The following TBC1D7 variants were observed in gnomAD, a reference collection of about 807,000 sequenced individuals.
TBC1D7 encodes TBC1 domain family member 7.
Under a neutral mutation model 35.3 loss-of-function variants are expected in TBC1D7, and 33 were observed. The ratio of observed to expected loss-of-function variants is 0.93; its 90% CI spans 0.71 to 1.25. The LOEUF (loss-of-function observed/expected upper bound fraction) is 1.25, where lower values mean the gene tolerates loss of function less well. Ranked by LOEUF, TBC1D7 falls within the 50% of genes most tolerant of loss-of-function variation. TBC1D7 has a pLI of 0.00. For missense variants in TBC1D7, 362 were observed against 365.3 expected, an observed-to-expected ratio of 0.99 and a Z score of 0.07; for synonymous variants, 135 against 129.5, an observed-to-expected ratio of 1.04 and a Z score of -0.29.
chr6:13,323,008 G>A (rs1784150406), intron 3 of TBC1D7, among the ~76,000 whole-genome samples: 1 of 152,142 alleles, frequency 6.6e-6, no homozygotes, highest in South Asian at 2.1e-4. Flanking sequence ...CTACACAGGC[G>A]ACAGCTCTAA....
At chr6:13,323,210 G>A (rs539060759) in intron 3 of TBC1D7, among the ~76,000 whole-genome samples, 4 of 152,184 alleles carry the variant, frequency 2.6e-5, no homozygotes, top group South Asian at 4.2e-4. Context: ...AAAATTAGCC[G>A]GGCGTGGGGG....
intron 4 of TBC1D7, 55 bp from the exon 5 acceptor site, chr6:13,316,763 ATTTC>A (rs937345098): frequency 1.9e-6 from 3 of 1,574,478 alleles, no homozygotes; most frequent in East Asian, 2.2e-5. Flanking sequence ...AGGAATACAT[ATTTC>A]TTTAATAAAA....
rs370827019 is a variant in TBC1D7 at position 13,321,076 on chromosome 6, G to A, written c.213C>T (p.His71=). The change falls in exon 4 of 8, where the codon CAC becomes CAT. Residue 71 remains histidine (H), a synonymous_variant. Transcript: ENST00000379300. ...ACATCATCACCTTGGCATGGGACTCGTGGTGTGGAGGCAAGATTCCTAGAG... is the reference window on the plus strand; with the variant it reads ...ACATCATCACCTTGGCATGGGACTCATGGTGTGGAGGCAAGATTCCTAGAG... ...KVLLGILPPH[H]ESHAKVMMYR... is the part of the protein sequence containing the mutation. The A allele has an allele frequency of 2.5e-5, 41 of 1,612,934 alleles. 1 individual carries two copies. The highest frequency in any genetic ancestry group is 1.8e-4 in the South Asian group (16 of 90,984).
At chr6:13,306,327 T>C (rs1190401956) in intron 7 of TBC1D7, 71 bp downstream of exon 7, 4 of 1,419,220 alleles carry the variant, frequency 2.8e-6, no homozygotes, top group East Asian at 5.1e-5. Flanking sequence ...AATAATCTAA[T>C]GTAACAGGAA....
intron 5 of TBC1D7, among the ~76,000 whole-genome samples, chr6:13,311,790 A>C (rs191980037): frequency 6.6e-6 from 1 of 152,194 alleles, no homozygotes; most frequent in East Asian, 1.9e-4. Flanking sequence ...TAGCCAAGAC[A>C]TTTTTGAAAA....
chr6:13,324,828 C>T (rs1013950989), intron 3 of TBC1D7, among the ~76,000 whole-genome samples: 3 of 152,200 alleles, frequency 2.0e-5, no homozygotes, highest in Admixed American at 2.0e-4. Flanking sequence ...CCAGGTTACC[C>T]AGCTGATAGC....
Position 13,325,134 on chromosome 6 carries a change from G to C in TBC1D7, c.153C>G (p.Leu51=). Residue 51 remains leucine (L), a synonymous_variant, in exon 3 of 8, where the codon CTC becomes CTG. Transcript: ENST00000379300. The stretch of plus-strand genomic sequence containing the variant: ...ATACCAATGCACGGTACATGGACGG[G>C]AGAGGGAACCTCTGACTAAAAGTAC... ...KLCTFSQRFP[L]PSMYRALVWK... 1 of 1,613,822 alleles carries C rather than the reference G, an allele frequency of 6.2e-7. No homozygotes were observed. Among genetic ancestry groups the C allele is most frequent in the Non-Finnish European group, 8.5e-7 (1 of 1,179,802 alleles).
At chr6:13,309,780 T>C (rs2458311) in intron 5 of TBC1D7, among the ~76,000 whole-genome samples, 46,376 of 152,050 alleles carry the variant, frequency 0.31, 7,369 homozygotes, top group South Asian at 0.46. Flanking sequence ...GCTGTTTGCA[T>C]TCAAATTGTG....
rs538892030 is a variant in TBC1D7, at chr6:13,311,396, G to A, written c.520-3651C>T. ...GGAATCAGGATAGTATGGCAGAATAGACATATCACCACTCAGGGGCATCAT... is the reference window on the plus strand; with the variant it reads ...GGAATCAGGATAGTATGGCAGAATAAACATATCACCACTCAGGGGCATCAT... On this transcript the variant is annotated intron_variant, in intron 5 of 7. Transcript: ENST00000379300. 6.0e-4 allele frequency among the ~76,000 whole-genome samples: 92 copies of A among 152,322 alleles called. 1 individual carries two copies. The highest frequency in any genetic ancestry group is 1.9e-3 in the African/African-American group (79 of 41,574).
intron 7 of TBC1D7, chr6:13,306,162 A>G (rs1782793058): frequency 6.3e-6 from 2 of 315,606 alleles, no homozygotes; most frequent in Non-Finnish European, 1.2e-5. Context: ...GTAACAGGAA[A>G]ATCTCACTTG....
At chr6:13,310,078 A>G (rs1439733845) in intron 5 of TBC1D7, among the ~76,000 whole-genome samples, 4 of 152,234 alleles carry the variant, frequency 2.6e-5, no homozygotes, top group African/African-American at 9.6e-5. Flanking sequence ...TGAGGATGGA[A>G]AAGACTATGA....
chr6:13,314,888 A>G (rs2127531718), intron 5 of TBC1D7, among the ~76,000 whole-genome samples: 1 of 152,280 alleles, frequency 6.6e-6, no homozygotes, highest in Non-Finnish European at 1.5e-5. Flanking sequence ...AAATAAGGGG[A>G]AAAAACTAGA....
At chr6:13,307,495 T>C (rs1782890481) in intron 6 of TBC1D7, 105 bp downstream of exon 6, 15 of 1,135,492 alleles carry the variant, frequency 1.3e-5, no homozygotes, top group East Asian at 2.4e-5. Flanking sequence ...TTCAAATTAC[T>C]GTATTGTTCT....
intron 4 of TBC1D7, among the ~76,000 whole-genome samples, chr6:13,317,180 T>A (rs950120332): frequency 6.6e-6 from 1 of 152,232 alleles, no homozygotes; most frequent in African/African-American, 2.4e-5. Context: ...CATTCACGCA[T>A]ACCTTCAGAA....
intron 5 of TBC1D7, 73 bp from the exon 6 acceptor site, chr6:13,307,818 GA>G (rs1045240721): frequency 9.3e-5 from 135 of 1,450,378 alleles, no homozygotes; most frequent in South Asian, 5.5e-4. Flanking sequence ...AGTCTCTGAT[GA>G]AAAAAAAGTA....
intron 5 of TBC1D7, among the ~76,000 whole-genome samples, chr6:13,315,532 G>A (rs919940760): frequency 2.6e-5 from 4 of 152,022 alleles, no homozygotes; most frequent in Non-Finnish European, 4.4e-5. Context: ...TGACCAACAC[G>A]ATGCAACCCC....
chr6:13,320,851 C>T lies in TBC1D7; in HGVS notation c.381+57G>A, dbSNP rs761776804. ...GGCAAAACATGATGTAATCAAAGGC[C>T]GGCAAGATGGGACGGTCTAGAGTTG... On this transcript the variant is annotated intron_variant, in intron 4 of 7. Transcript: ENST00000379300. The T allele has an allele frequency of 1.0e-5, 16 of 1,559,330 alleles. No individual in the cohort carries two copies. The highest frequency in any genetic ancestry group is 3.3e-5 in the South Asian group (3 of 90,024).
chr6:13,319,469 G>GAAAAAAAAAAAAAAAAAAAAAAA (rs1236035284), intron 4 of TBC1D7: 1 of 98,118 alleles, frequency 1.0e-5, no homozygotes. Flanking sequence ...TCAAAAAAAA[G>GAAAAAAAAAAAAAAAAAAAAAAA]AAAAAAAAAA....
At position 13,314,192 on chromosome 6, in the gene TBC1D7, G is replaced by A. The variant is rs1311410779; in HGVS notation, c.519+2379C>T. On this transcript the variant is annotated intron_variant, in intron 5 of 7. Coordinates refer to ENST00000379300, the MANE Select transcript of TBC1D7 (RefSeq NM_016495.6). The stretch of plus-strand genomic sequence containing the variant: ...TGCACTCCCGCCTTGGCGACCAAGC[G>A]AGACTCCATCTCAAAAAAAAAAAAA... Among the ~76,000 whole-genome samples the A allele has an allele frequency of 4.8e-5, 7 of 146,838 alleles. No homozygotes were observed. The South Asian group carries it at 1.1e-3, about 23-fold the overall frequency.
Sources: allele counts gnomAD v4.1 joint callset (sites outside exome capture counted in the v4.1 genomes callset), GRCh38; gene constraint gnomAD v4.1.1; transcripts MANE v1.5; gene names NCBI Gene and HGNC (gene_info 2026-07-23, HGNC 2026-07-21).